The following PLCE1 variants were observed in gnomAD, a reference collection of about 807,000 sequenced individuals.
PLCE1 encodes the protein 1-phosphatidylinositol 4,5-bisphosphate phosphodiesterase epsilon-1.
A neutral mutation model predicts 242.8 loss-of-function variants in PLCE1; 119 were observed. That is an observed-to-expected ratio of 0.49 (90% CI 0.42 to 0.57). The LOEUF (loss-of-function observed/expected upper bound fraction) is 0.57, where lower values mean the gene tolerates loss of function less well. PLCE1 is among the 20% of genes least tolerant of loss of function. The pLI is 0.00. For synonymous variants in PLCE1, 945 were observed against 1,017.4 expected, an observed-to-expected ratio of 0.93 and a Z score of 1.35; for missense variants, 2,441 against 2,788.8, an observed-to-expected ratio of 0.88 and a Z score of 2.81.
At chr10:94,096,685 T>C (rs1387128057) in intron 2 of PLCE1, 1 of 152,180 alleles carries the variant, frequency 6.6e-6, no homozygotes, top group African/African-American at 2.4e-5. Context: ...CCTACCTGAT[T>C]GTCTCAACTG....
intron 2 of PLCE1, among the ~76,000 whole-genome samples, chr10:94,119,930 T>C (rs530203314): frequency 6.6e-6 from 1 of 152,332 alleles, no homozygotes; most frequent in East Asian, 1.9e-4. Context: ...GGCTTATCTT[T>C]CAGAAATTAA....
At chr10:94,024,150 G>A (rs868130515) in intron 1 of PLCE1, among the ~76,000 whole-genome samples, 1 of 152,174 alleles carries the variant, frequency 6.6e-6, no homozygotes, top group African/African-American at 2.4e-5. Flanking sequence ...AGGGAGGAAA[G>A]GATTGCTTAG....
chr10:94,299,378 A>G (rs2052957002), intron 24 of PLCE1, among the ~76,000 whole-genome samples: 2 of 152,214 alleles, frequency 1.3e-5, no homozygotes, highest in African/African-American at 2.4e-5. Flanking sequence ...CATTTCTCAG[A>G]TGAGCAAATC....
intron 2 of PLCE1, among the ~76,000 whole-genome samples, chr10:94,109,461 C>T (rs912834597): frequency 2.6e-5 from 4 of 151,960 alleles, no homozygotes; most frequent in African/African-American, 9.7e-5. Context: ...TACAAAAATT[C>T]GCCATGCATG....
intron 2 of PLCE1, among the ~76,000 whole-genome samples, chr10:94,086,630 C>T (rs879920988): frequency 8.5e-5 from 13 of 152,270 alleles, no homozygotes; most frequent in African/African-American, 1.7e-4. Context: ...GTGCCCAGCA[C>T]GGAGCACATG....
chr10:94,296,880 C>CTT (rs1187850868), intron 23 of PLCE1, among the ~76,000 whole-genome samples: 3 of 147,276 alleles, frequency 2.0e-5, no homozygotes, highest in African/African-American at 4.9e-5. Context: ...TTCTTTCTTT[C>CTT]TTTTTTTTTT....
In PLCE1 at chr10:94,020,056, A is replaced by G. The variant is rs116050804; in HGVS notation, c.-364-10627A>G. On this transcript the variant is annotated intron_variant, in intron 1 of 32. Transcript: ENST00000371380. ...TTTGGATTGTAAAATGTATTTAAGT[A>G]TATGCTTAACTTTATAAGAAACTGC... Among the ~76,000 whole-genome samples, 661 of 152,276 alleles carry G rather than the reference A, an allele frequency of 4.3e-3. 3 individuals are homozygous for G. The highest frequency in any genetic ancestry group is 0.015 in the African/African-American group (634 of 41,566).
chr10:94,320,093 C>T (rs929852936), intron 29 of PLCE1, among the ~76,000 whole-genome samples: 5 of 151,876 alleles, frequency 3.3e-5, no homozygotes, highest in South Asian at 2.1e-4. Context: ...GTTTGGGGGA[C>T]AAAGATTATA....
rs2133972218 is a variant in PLCE1 at position 94,331,371 on chromosome 10, CT to C, written c.*3430del. ...TCTCCTCTTCCAATATCTCTATAGA[CT>C]TCTGTCCTCTGCCCAGAGACCCACA... On this transcript the variant is annotated 3_prime_UTR_variant, in exon 33 of 33. Transcript: ENST00000371380. 6.6e-6 allele frequency: 1 copy of C among 152,230 alleles called. No individual in the cohort carries two copies. Among genetic ancestry groups the C allele is most frequent in the East Asian group, 1.9e-4 (1 of 5,198 alleles). 9.4% of individuals were successfully genotyped at this position (152,230 alleles called of 1,614,324 possible).
chr10:94,255,162 T>G (rs2051027688), intron 11 of PLCE1, 113 bp downstream of exon 11: 11 of 1,361,062 alleles, frequency 8.1e-6, no homozygotes, highest in Non-Finnish European at 1.1e-5. Context: ...TGATGTATAG[T>G]TGAACTGAAA....
rs1669464873 is a variant in PLCE1, at chr10:94,255,198, G to A, written c.3554+149G>A. Reference sequence around the variant, plus strand: ...ACTGAAAAATCCCAAAATTTTAAATGATCCTAATTCTCCCAATTTTGTACT... The same window carrying A: ...ACTGAAAAATCCCAAAATTTTAAATAATCCTAATTCTCCCAATTTTGTACT... On this transcript the variant is annotated intron_variant, in intron 11 of 32. Coordinates refer to ENST00000371380, the MANE Select transcript of PLCE1 (RefSeq NM_016341.4). The A allele has an allele frequency of 4.4e-6, 4 of 907,608 alleles. No homozygotes were observed. In the African/African-American group the frequency reaches 5.0e-5, roughly 11 times the overall value. 56.2% of individuals were successfully genotyped at this position (907,608 alleles called of 1,614,324 possible). A position where few individuals can be genotyped will look rare whatever the true frequency, so the allele number is the denominator to read the frequency against.
chr10:94,243,682 G>GCACC (rs1334770903), intron 7 of PLCE1, among the ~76,000 whole-genome samples: 1 of 152,170 alleles, frequency 6.6e-6, no homozygotes, highest in Non-Finnish European at 1.5e-5. Flanking sequence ...AACATTGCCA[G>GCACC]CACCCCTAAA....
intron 5 of PLCE1, among the ~76,000 whole-genome samples, chr10:94,232,767 CCT>C (rs2050188773): frequency 6.6e-6 from 1 of 152,158 alleles, no homozygotes; most frequent in Non-Finnish European, 1.5e-5. Flanking sequence ...AGTATCCCCT[CCT>C]GACTCACAGG....
intron 25 of PLCE1, among the ~76,000 whole-genome samples, chr10:94,305,999 G>C (rs1273229271): frequency 6.6e-6 from 1 of 150,532 alleles, no homozygotes; most frequent in Non-Finnish European, 1.5e-5. Context: ...TTGAGATGGA[G>C]TCTTGCTCTG....
At chr10:94,166,631 G>C (rs2047814576) in intron 3 of PLCE1, among the ~76,000 whole-genome samples, 1 of 146,790 alleles carries the variant, frequency 6.8e-6, no homozygotes, top group South Asian at 2.1e-4. Flanking sequence ...TGTCTCCTCT[G>C]CAAAGGATCC....
At chr10:94,226,112 G>A (rs1217860361) in intron 4 of PLCE1, among the ~76,000 whole-genome samples, 2 of 152,230 alleles carry the variant, frequency 1.3e-5, no homozygotes, top group Non-Finnish European at 2.9e-5. Flanking sequence ...AAGCACCAAA[G>A]TAAAGGTGGC....
intron 4 of PLCE1, among the ~76,000 whole-genome samples, chr10:94,208,540 A>AC: frequency 6.6e-6 from 1 of 152,170 alleles, no homozygotes; most frequent in East Asian, 1.9e-4. Flanking sequence ...TTCTGCTCCT[A>AC]CCCCCACCCA....
chr10:94,162,819 T>C (rs1056486551), intron 3 of PLCE1, among the ~76,000 whole-genome samples: 8 of 152,350 alleles, frequency 5.3e-5, no homozygotes, highest in Admixed American at 2.6e-4. Context: ...CTCTACACAC[T>C]GCTTTAAATG....
chr10:94,179,512 G>GTTTTGTTTTTTTTTTTTT (rs2048228526), intron 4 of PLCE1, among the ~76,000 whole-genome samples: 1 of 19,398 alleles, frequency 5.2e-5, no homozygotes, highest in East Asian at 2.4e-3. Context: ...TTTTAGTTTA[G>GTTTTGTTTTTTTTTTTTT]TTTTTTTTTT....
Sources: gnomAD v4.1 joint callset for allele counts (sites outside exome capture counted in the v4.1 genomes callset) on GRCh38, gnomAD v4.1.1 for gene constraint, MANE v1.5 for transcripts, NCBI Gene and HGNC (gene_info 2026-07-23, HGNC 2026-07-21) for gene names.